RMND5A: variants seen among roughly 807,000 people sequenced by gnomAD.
RMND5A encodes E3 ubiquitin-protein transferase RMND5A.
RMND5A carries 17 observed loss-of-function variants against 49.7 expected under a neutral mutation model. The observed-to-expected ratio is 0.34, with a 90% CI of 0.23 to 0.51. RMND5A has a LOEUF of 0.51. Ranked by LOEUF, RMND5A falls within the 20% of genes least tolerant of loss-of-function variation. The probability of loss-of-function intolerance (pLI) is 0.96; values close to 1 mark genes in which losing one functional copy is unlikely to be tolerated. For synonymous variants in RMND5A, 156 were observed against 167.7 expected, an observed-to-expected ratio of 0.93 and a Z score of 0.54; for missense variants, 255 against 471.3, an observed-to-expected ratio of 0.54 and a Z score of 4.25.
In RMND5A at chr2:86,753,564, T is replaced by A; in HGVS notation, c.521+6T>A. The A allele has an allele frequency of 6.7e-7, 1 of 1,488,612 alleles. No individual in the cohort carries two copies. Among genetic ancestry groups the A allele is most frequent in the Non-Finnish European group, 9.3e-7 (1 of 1,080,212 alleles). 92.2% of individuals were successfully genotyped at this position (1,488,612 alleles called of 1,614,324 possible). ...GTTCTGAGACCTGCTCTGGAGTGAG[T>A]ATTGAGTTTGCTTTCTTTTGAGTAC... is the stretch of plus-strand genomic sequence containing the variant. On this transcript the variant is annotated splice_donor_region_variant and intron_variant, in intron 4 of 8. Transcript: ENST00000283632.
At chr2:86,751,490 G>A (rs1681632129) in intron 2 of RMND5A, among the ~76,000 whole-genome samples, 1 of 152,158 alleles carries the variant, frequency 6.6e-6, no homozygotes, top group Non-Finnish European at 1.5e-5. Context: ...GTTGGGATGT[G>A]CCATGGATTA....
chr2:86,756,501 C>T (rs990881348), intron 4 of RMND5A, among the ~76,000 whole-genome samples: 4 of 152,178 alleles, frequency 2.6e-5, no homozygotes, highest in African/African-American at 9.7e-5. Flanking sequence ...GTTTTCCCTC[C>T]AGATAACACA....
At chr2:86,758,935 T>G (rs1419734583) in intron 4 of RMND5A, among the ~76,000 whole-genome samples, 1 of 152,182 alleles carries the variant, frequency 6.6e-6, no homozygotes, top group Non-Finnish European at 1.5e-5. Context: ...TCCACACCTG[T>G]GGAGTAAAAA....
intron 4 of RMND5A, among the ~76,000 whole-genome samples, chr2:86,755,830 G>C (rs1437949492): frequency 6.6e-6 from 1 of 152,104 alleles, no homozygotes; most frequent in Non-Finnish European, 1.5e-5. Flanking sequence ...ATGTTTCTGG[G>C]AGTAGTGTTT....
chr2:86,745,701 C>G (rs1267996642), intron 2 of RMND5A, among the ~76,000 whole-genome samples: 1 of 152,156 alleles, frequency 6.6e-6, no homozygotes, highest in Non-Finnish European at 1.5e-5. Context: ...TAATAGCTAT[C>G]ACATATTGAG....
chr2:86,771,823 T>G, intron 8 of RMND5A, 111 bp downstream of exon 8: 1 of 882,536 alleles, frequency 1.1e-6, no homozygotes, highest in Non-Finnish European at 1.7e-6. Flanking sequence ...TAGAACTAAA[T>G]AAATTTCTTA....
chr2:86,761,345 C>T (rs754605768), intron 4 of RMND5A, among the ~76,000 whole-genome samples: 15 of 152,116 alleles, frequency 9.9e-5, no homozygotes, highest in Admixed American at 2.0e-4. Flanking sequence ...GAGGCAGCTG[C>T]GGAGAGTGAC....
At chr2:86,761,706 C>T (rs1036979540) in intron 4 of RMND5A, among the ~76,000 whole-genome samples, 2 of 152,116 alleles carry the variant, frequency 1.3e-5, no homozygotes, top group African/African-American at 4.8e-5. Flanking sequence ...AATTTGAAAA[C>T]TTGTATTCTA....
intron 8 of RMND5A, 59 bp from the exon 9 acceptor site, chr2:86,773,289 A>C (rs774601065): frequency 4.3e-5 from 39 of 914,808 alleles, no homozygotes; most frequent in Non-Finnish European, 6.1e-5. Context: ...ACTAGATAAA[A>C]ATTGAATACA....
At chr2:86,765,222 T>G in intron 5 of RMND5A, 29 bp downstream of exon 5, 1 of 1,581,534 alleles carries the variant, frequency 6.3e-7, no homozygotes, top group Non-Finnish European at 8.6e-7. Context: ...GTTATTAATG[T>G]TTGAAACAGG....
At chr2:86,765,245 A>C in intron 5 of RMND5A, 52 bp downstream of exon 5, 1 of 1,467,902 alleles carries the variant, frequency 6.8e-7, no homozygotes, top group Non-Finnish European at 9.3e-7. Context: ...TATAGCCACC[A>C]CTGTAACTTA....
chr2:86,729,108 G>T (rs1364346758), intron 1 of RMND5A, among the ~76,000 whole-genome samples: 1 of 152,210 alleles, frequency 6.6e-6, no homozygotes, highest in African/African-American at 2.4e-5. Flanking sequence ...TTTATTACTG[G>T]TTTATGTTAA....
At chr2:86,760,512 T>C (rs1672460422) in intron 4 of RMND5A, among the ~76,000 whole-genome samples, 1 of 152,214 alleles carries the variant, frequency 6.6e-6, no homozygotes, top group Non-Finnish European at 1.5e-5. Context: ...CAGACTTCTC[T>C]GCCAGCTCTT....
chr2:86,760,988 G>GTGTT (rs1553427598), intron 4 of RMND5A, among the ~76,000 whole-genome samples: 391 of 152,030 alleles, frequency 2.6e-3, no homozygotes, highest in Middle Eastern at 0.01. Context: ...GTGTGTGTGT[G>GTGTT]TGTGTGTGTG....
intron 6 of RMND5A, among the ~76,000 whole-genome samples, chr2:86,767,328 G>A (rs1267463840): frequency 6.6e-6 from 1 of 152,156 alleles, no homozygotes; most frequent in Non-Finnish European, 1.5e-5. Flanking sequence ...CTCCCAAGGT[G>A]CTGGGTTTAT....
intron 1 of RMND5A, among the ~76,000 whole-genome samples, chr2:86,728,916 CTA>C (rs1233287181): frequency 6.6e-6 from 1 of 151,390 alleles, no homozygotes; most frequent in Non-Finnish European, 1.5e-5. Flanking sequence ...CCAGGCCTGA[CTA>C]TTTTTTTTTT....
Position 86,751,960 on chromosome 2 carries a change from T to C in RMND5A, c.350T>C (p.Leu117Pro), listed in dbSNP as rs1427205564. The C allele has an allele frequency of 6.2e-7, 1 of 1,614,054 alleles. No individual in the cohort carries two copies. Among genetic ancestry groups the C allele is most frequent in the Non-Finnish European group, 8.5e-7 (1 of 1,179,964 alleles). ...DGCWQADSQR[L>P]LNEVMVEHFF... is the part of the protein sequence containing the mutation. ...TGCTGGCAGGCAGACAGCCAAAGGC[T>C]TCTCAATGAGGTGATGGTGGAGCAC... is the stretch of plus-strand genomic sequence containing the variant. The change falls in exon 3 of 9, where the codon CTT becomes CCT. Residue 117 changes from leucine (L) to proline (P), a missense_variant. Transcript: ENST00000283632.
intron 4 of RMND5A, among the ~76,000 whole-genome samples, chr2:86,754,827 C>G (rs1681702286): frequency 6.6e-6 from 1 of 152,168 alleles, no homozygotes; most frequent in African/African-American, 2.4e-5. Context: ...TCCCAAAGTG[C>G]TGGAATTACA....
At chr2:86,760,477 T>C (rs1672451994) in intron 4 of RMND5A, among the ~76,000 whole-genome samples, 1 of 152,328 alleles carries the variant, frequency 6.6e-6, no homozygotes, top group Admixed American at 6.5e-5. Context: ...CATGATGTAT[T>C]AACTGTGAGC....
Sources: allele counts gnomAD v4.1 joint callset (sites outside exome capture counted in the v4.1 genomes callset), GRCh38; gene constraint gnomAD v4.1.1; transcripts MANE v1.5; gene names NCBI Gene and HGNC (gene_info 2026-07-23, HGNC 2026-07-21).